The following XIRP2 variants were observed in gnomAD, a reference collection of about 807,000 sequenced individuals.
XIRP2 encodes the protein xin actin binding repeat containing 2, also known as xin actin-binding repeat-containing protein 2.
A neutral mutation model predicts 277.0 loss-of-function variants in XIRP2; 236 were observed. The observed-to-expected ratio is 0.85, with a 90% confidence interval of 0.77 to 0.95. The LOEUF (loss-of-function observed/expected upper bound fraction) is 0.95, where lower values mean the gene tolerates loss of function less well. XIRP2 is among the 40% of genes least tolerant of loss of function. The pLI is 0.00. For missense variants in XIRP2, 4,640 were observed against 4,157.5 expected (o/e 1.12, Z -3.19); for synonymous variants, 1,490 against 1,416.5 (o/e 1.05, Z -1.17).
chr2:167,174,926 T>G (rs1692796235), intron 3 of XIRP2, among the ~76,000 whole-genome samples: 1 of 152,218 alleles, frequency 6.6e-6, no homozygotes, highest in Non-Finnish European at 1.5e-5. Context: ...AGTTCTAATT[T>G]AATTGCACTG....
intron 2 of XIRP2, among the ~76,000 whole-genome samples, chr2:166,918,866 T>C (rs1684959362): frequency 6.6e-6 from 1 of 152,174 alleles, no homozygotes; most frequent in Admixed American, 6.5e-5. Flanking sequence ...GTCTCCCTCA[T>C]CTAAACCGGT....
chr2:166,917,364 A>G (rs1299660546), intron 2 of XIRP2, among the ~76,000 whole-genome samples: 1 of 152,176 alleles, frequency 6.6e-6, no homozygotes, highest in Non-Finnish European at 1.5e-5. Context: ...GATGGGCCAT[A>G]ATGTTTTATT....
chr2:167,240,151 C>T (rs1695015305), intron 6 of XIRP2, among the ~76,000 whole-genome samples, 186 bp downstream of exon 6: 1 of 151,982 alleles, frequency 6.6e-6, no homozygotes, highest in Admixed American at 6.6e-5. Context: ...CGGTGGCTTG[C>T]ACCTGTAATC....
At chr2:167,192,107 G>A (rs376787913) in intron 3 of XIRP2, among the ~76,000 whole-genome samples, 17 of 151,486 alleles carry the variant, frequency 1.1e-4, no homozygotes, top group East Asian at 5.8e-4. Context: ...ACATTTTCTC[G>A]GTGTTTTCCA....
At chr2:166,925,624 T>TATAC (rs1558918215) in intron 2 of XIRP2, among the ~76,000 whole-genome samples, 1 of 139,452 alleles carries the variant, frequency 7.2e-6, no homozygotes, top group Non-Finnish European at 1.5e-5. Context: ...TATATATATA[T>TATAC]ATACATATAA....
At chr2:166,929,039 C>T (rs538698648) in intron 2 of XIRP2, among the ~76,000 whole-genome samples, 7 of 151,988 alleles carry the variant, frequency 4.6e-5, no homozygotes, top group East Asian at 1.9e-4. Context: ...TACTTTCTAT[C>T]GCTGATACTC....
intron 3 of XIRP2, among the ~76,000 whole-genome samples, chr2:167,142,749 G>T (rs1004845444): frequency 1.3e-5 from 2 of 152,032 alleles, no homozygotes; most frequent in Admixed American, 6.5e-5. Flanking sequence ...AAATAAAGAC[G>T]TTAGAAGTTC....
chr2:166,903,361 C>G (rs1195281909), intron 1 of XIRP2, 104 bp from the exon 2 acceptor site: 27 of 1,189,992 alleles, frequency 2.3e-5, no homozygotes, highest in African/African-American at 6.1e-5. Flanking sequence ...GATTTCTTTA[C>G]TAAGACCCAA....
chr2:167,248,748 T>C lies in XIRP2; in HGVS notation c.7356T>C (p.Asp2452=). The change falls in exon 9 of 11, where the codon GAT becomes GAC. Residue 2452 remains aspartate, a synonymous_variant. Coordinates refer to ENST00000409195, the MANE Select transcript of XIRP2 (RefSeq NM_152381.6). ...TTGAACTGGCAACCTCCCTGTCAGATATGGAATGTAAAATTACTACCTCAA... is the reference window on the plus strand; with the variant it reads ...TTGAACTGGCAACCTCCCTGTCAGACATGGAATGTAAAATTACTACCTCAA... ...PKVELATSLS[D]MECKITTSKD... 1 of 1,613,722 alleles carries C rather than the reference T, an allele frequency of 6.2e-7. No individual in the cohort carries two copies. The highest frequency in any genetic ancestry group is 8.5e-7 in the Non-Finnish European group (1 of 1,179,822).
Position 167,248,336 on chromosome 2 carries a change from CT to C in XIRP2, c.6947del (p.Leu2316Ter), listed in dbSNP as rs779205445. On this transcript the variant is annotated frameshift_variant, in exon 9 of 11. Transcript: ENST00000409195. LOFTEE classifies it high-confidence loss of function. Reference sequence around the variant, plus strand: ...GAATTTCCTCTTCCTCCTCCACCTCCTTTGATGATGTTTCCTGAAAAAAATG... The same window carrying C: ...GAATTTCCTCTTCCTCCTCCACCTCCTTGATGATGTTTCCTGAAAAAAATG... ...EIEFPLPPPP[P>X]LMMFPEKNGF... 3 of 1,613,764 alleles carry C rather than the reference CT, an allele frequency of 1.9e-6. No individual in the cohort carries two copies. The highest frequency in any genetic ancestry group is 2.5e-6 in the Non-Finnish European group (3 of 1,179,834).
intron 2 of XIRP2, among the ~76,000 whole-genome samples, chr2:167,014,207 A>G (rs903222137): frequency 6.6e-6 from 1 of 151,602 alleles, no homozygotes; most frequent in East Asian, 1.9e-4. Flanking sequence ...CACATTAGGA[A>G]AAACAAATTA....
chr2:167,132,114 C>T (rs981915003), intron 2 of XIRP2, among the ~76,000 whole-genome samples: 1 of 152,016 alleles, frequency 6.6e-6, no homozygotes, highest in Non-Finnish European at 1.5e-5. Flanking sequence ...TCACTTCTGG[C>T]CATCTCCATC....
intron 2 of XIRP2, among the ~76,000 whole-genome samples, chr2:167,079,102 A>C (rs945313179): frequency 6.6e-6 from 1 of 152,208 alleles, no homozygotes; most frequent in African/African-American, 2.4e-5. Flanking sequence ...CTTTTCCCAC[A>C]TCTATTGAGA....
rs754562833 is a variant in XIRP2, at chr2:167,246,866, A to G, written c.5474A>G (p.Gln1825Arg). The part of the protein sequence containing the change: ...NTVKVFMTEP[Q>R]STFGKIPKEE... ...GTTAAGGTTTTTATGACCGAGCCTC[A>G]GAGTACATTTGGTAAGATACCCAAA... The change falls in exon 9 of 11, where the codon CAG becomes CGG. Residue 1825 changes from glutamine (Q) to arginine (R), a missense_variant. By Grantham distance (43) the Gln-to-Arg change is conservative. Transcript: ENST00000409195. The G allele has an allele frequency of 1.4e-5, 22 of 1,613,686 alleles. No individual in the cohort carries two copies. The East Asian group carries it at 2.7e-4, about 20-fold the overall frequency.
intron 2 of XIRP2, among the ~76,000 whole-genome samples, chr2:167,105,948 T>G (rs954097447): frequency 6.6e-6 from 1 of 151,596 alleles, no homozygotes; most frequent in African/African-American, 2.4e-5. Context: ...CATCTGTATA[T>G]TCTCTGAGGT....
intron 2 of XIRP2, among the ~76,000 whole-genome samples, chr2:166,930,245 C>T (rs1158661693): frequency 2.0e-5 from 3 of 152,070 alleles, no homozygotes; most frequent in Non-Finnish European, 2.9e-5. Context: ...AAATGTCAGA[C>T]GTCACAGTGA....
rs549844312 is a variant in XIRP2 at position 166,967,196 on chromosome 2, A to C, written c.408+63306A>C. Among the ~76,000 whole-genome samples the C allele has an allele frequency of 4.6e-4, 70 of 152,024 alleles. 1 individual carries two copies. The highest frequency in any genetic ancestry group is 1.6e-3 in the African/African-American group (67 of 41,520). ...GTAAAGAAAACACTACAAATAAATA[A>C]AATAAAACGTTTGCTGAATCCCTAT... On this transcript the variant is annotated intron_variant, in intron 2 of 10. Coordinates refer to ENST00000409195, the MANE Select transcript of XIRP2 (RefSeq NM_152381.6).
intron 2 of XIRP2, among the ~76,000 whole-genome samples, chr2:166,966,694 A>G (rs1212168334): frequency 2.0e-5 from 3 of 152,032 alleles, no homozygotes; most frequent in South Asian, 2.1e-4. Flanking sequence ...TTCTATTGCT[A>G]TAAAGAGACA....
chr2:167,240,760 C>CT lies in XIRP2; in HGVS notation c.1042+24_1042+25insT, dbSNP rs1252843559. On this transcript the variant is annotated intron_variant, in intron 7 of 10. Transcript: ENST00000409195. The stretch of plus-strand genomic sequence containing the variant: ...TGGTAAGAGTCTGGTATTATTGGTT[C>CT]CAATACTCCTTTCTCCTATTGATGT... The CT allele has an allele frequency of 3.8e-6, 6 of 1,591,506 alleles. No homozygotes were observed. In the Admixed American group the frequency reaches 1.0e-4, roughly 27 times the overall value.
Sources: gnomAD v4.1 joint callset for allele counts (sites outside exome capture counted in the v4.1 genomes callset) on GRCh38, gnomAD v4.1.1 for gene constraint, MANE v1.5 for transcripts, NCBI Gene and HGNC (gene_info 2026-07-23, HGNC 2026-07-21) for gene names.